MYO1D: variants seen among roughly 807,000 people sequenced by gnomAD.
MYO1D encodes unconventional myosin-Id.
MYO1D carries 83 observed loss-of-function variants against 122.0 expected under a neutral mutation model. The observed-to-expected ratio is 0.68, with a 90% confidence interval of 0.57 to 0.82. The LOEUF (loss-of-function observed/expected upper bound fraction) is 0.82. Among genes scored for constraint, MYO1D ranks in the 40% least tolerant of loss-of-function variants. The pLI, the probability that MYO1D is intolerant of heterozygous loss-of-function variation, is 0.00. For missense variants in MYO1D, 1,157 were observed against 1,269.5 expected (o/e 0.91, Z 1.35); for synonymous variants, 464 against 446.9 (o/e 1.04, Z -0.48).
intron 5 of MYO1D, among the ~76,000 whole-genome samples, chr17:32,772,436 C>T (rs146869937): frequency 6.6e-6 from 1 of 152,194 alleles, no homozygotes. Context: ...GAAACAACAG[C>T]TTCAATTCAA....
intron 21 of MYO1D, chr17:32,505,117 A>T (rs1909459328): frequency 6.6e-6 from 1 of 152,270 alleles, no homozygotes; most frequent in African/African-American, 2.4e-5. Context: ...CACAGTCATC[A>T]GAGAGATCTT....
At chr17:32,683,202 C>T (rs935991558) in intron 16 of MYO1D, among the ~76,000 whole-genome samples, 2 of 149,964 alleles carry the variant, frequency 1.3e-5, no homozygotes, top group African/African-American at 5.0e-5. Flanking sequence ...GAATGTCCTC[C>T]CGTAGCTTAG....
Position 32,775,894 on chromosome 17 carries a change from A to C in MYO1D, c.534T>G (p.Gly178=). ...INFDFKGDPI[G]GHINNYLLEK... is the part of the protein sequence containing the mutation. ...CTAGTAAGTAGTTATTGATATGCCC[A>C]CCAATAGGGTCACCCTTGAAGTCAA... Residue 178 remains glycine, a synonymous_variant, in exon 4 of 22, where the codon GGT becomes GGG. Coordinates refer to ENST00000318217, the MANE Select transcript of MYO1D (RefSeq NM_015194.3). 6.2e-7 allele frequency: 1 copy of C among 1,613,114 alleles called. No homozygotes were observed. The highest frequency in any genetic ancestry group is 8.5e-7 in the Non-Finnish European group (1 of 1,179,478).
chr17:32,751,173 C>T (rs2089894609), intron 11 of MYO1D, among the ~76,000 whole-genome samples: 1 of 151,954 alleles, frequency 6.6e-6, no homozygotes, highest in African/African-American at 2.4e-5. Context: ...TTGCCTGTCT[C>T]TCCATGGTAA....
At chr17:32,638,941 C>T (rs2088148476) in intron 19 of MYO1D, 106 bp from the exon 20 acceptor site, 1 of 728,740 alleles carries the variant, frequency 1.4e-6, no homozygotes, top group African/African-American at 1.7e-5. Flanking sequence ...TGTATGGCCA[C>T]TCTACTGGAT....
intron 14 of MYO1D, among the ~76,000 whole-genome samples, chr17:32,728,912 G>C: frequency 6.6e-6 from 1 of 152,298 alleles, no homozygotes; most frequent in South Asian, 2.1e-4. Flanking sequence ...TAAGAAATGG[G>C]GGGAAGCCCT....
At chr17:32,787,647 G>A (rs554649948) in intron 1 of MYO1D, among the ~76,000 whole-genome samples, 109 of 152,102 alleles carry the variant, frequency 7.2e-4, no homozygotes, top group Admixed American at 1.8e-3. Flanking sequence ...TCAATATCTT[G>A]ACCTCGTGAT....
At chr17:32,742,046 A>AT (rs2089779727) in intron 13 of MYO1D, among the ~76,000 whole-genome samples, 1 of 151,562 alleles carries the variant, frequency 6.6e-6, no homozygotes. Flanking sequence ...TTAAAAAAAA[A>AT]ATTTTTTTTA....
intron 1 of MYO1D, among the ~76,000 whole-genome samples, chr17:32,808,454 G>A (rs780247412): frequency 1.3e-5 from 2 of 151,868 alleles, no homozygotes; most frequent in Non-Finnish European, 2.9e-5. Context: ...AAGGAATGCA[G>A]TAAAAGTTTT....
chr17:32,674,751 G>C (rs995255469), intron 16 of MYO1D, among the ~76,000 whole-genome samples: 6 of 152,088 alleles, frequency 3.9e-5, no homozygotes, highest in African/African-American at 1.4e-4. Context: ...TCCAGTTTTT[G>C]CTAGTAGCCT....
chr17:32,663,491 T>G (rs2088598427), intron 16 of MYO1D, among the ~76,000 whole-genome samples: 1 of 152,202 alleles, frequency 6.6e-6, no homozygotes, highest in African/African-American at 2.4e-5. Flanking sequence ...ATGAAATAAA[T>G]GCATCAGAGG....
intron 1 of MYO1D, among the ~76,000 whole-genome samples, chr17:32,861,834 A>G (rs899538110): frequency 7.2e-5 from 11 of 152,268 alleles, no homozygotes; most frequent in Admixed American, 5.9e-4. Context: ...CCTGGGCAAC[A>G]TGGCAAAACC....
In MYO1D at chr17:32,553,114, A is replaced by C. The variant is rs563664592; in HGVS notation, c.2864+51973T>G. On this transcript the variant is annotated intron_variant, in intron 21 of 21. Coordinates refer to ENST00000318217, the MANE Select transcript of MYO1D (RefSeq NM_015194.3). ...AACAAAAAACAAAACAAAAAAAAAAACAAAAAAACCAGCAGCATGTCATAG... is the reference window on the plus strand; with the variant it reads ...AACAAAAAACAAAACAAAAAAAAAACCAAAAAAACCAGCAGCATGTCATAG... 3.2e-3 allele frequency among the ~76,000 whole-genome samples: 487 copies of C among 151,538 alleles called. 3 individuals are homozygous for C. The highest frequency in any genetic ancestry group is 5.8e-3 in the Non-Finnish European group (397 of 67,870).
intron 20 of MYO1D, chr17:32,627,729 T>C (rs2087946839): frequency 6.6e-6 from 1 of 152,118 alleles, no homozygotes; most frequent in Admixed American, 6.6e-5. Context: ...CATGGGCAGA[T>C]TCAAACATTC....
At chr17:32,670,445 A>G (rs1355528201) in intron 16 of MYO1D, among the ~76,000 whole-genome samples, 2 of 152,190 alleles carry the variant, frequency 1.3e-5, no homozygotes, top group Admixed American at 1.3e-4. Context: ...ATTGAGAGAG[A>G]GAGAGAGAAC....
In MYO1D at chr17:32,712,201, T is replaced by C. The variant is rs776348288; in HGVS notation, c.1914-6A>G. On this transcript the variant is annotated splice_region_variant and splice_polypyrimidine_tract_variant and intron_variant, in intron 15 of 21. Transcript: ENST00000318217. Reference sequence around the variant, plus strand: ...ATTCAGAGATCATCTTATACCTGGATGAAAAAAAGAAACAGGGTTAAGGGA... The same window carrying C: ...ATTCAGAGATCATCTTATACCTGGACGAAAAAAAGAAACAGGGTTAAGGGA... 1.9e-6 allele frequency: 3 copies of C among 1,608,226 alleles called. No homozygotes were observed. The highest frequency in any genetic ancestry group is 2.7e-5 in the African/African-American group (2 of 74,658).
At position 32,819,251 on chromosome 17, in the gene MYO1D, A is replaced by C. The variant is rs183613846; in HGVS notation, c.96-38467T>G. Among the ~76,000 whole-genome samples the C allele has an allele frequency of 8.2e-3, 1,212 of 148,682 alleles. 11 individuals are homozygous for C. Among genetic ancestry groups the C allele is most frequent in the African/African-American group, 0.028 (1,117 of 40,102 alleles). On this transcript the variant is annotated intron_variant, in intron 1 of 21. Transcript: ENST00000318217. ...CTGGATAGTGTGATTGCAAGAAGGG[A>C]GGCTATGCTAGCTTGGTTATAAGCA...
At chr17:32,637,238 T>C (rs1313876157) in intron 20 of MYO1D, among the ~76,000 whole-genome samples, 1 of 152,238 alleles carries the variant, frequency 6.6e-6, no homozygotes, top group Non-Finnish European at 1.5e-5. Flanking sequence ...GGTTTCACAC[T>C]TCTTTAGACT....
At chr17:32,718,549 A>G (rs1441076744) in intron 15 of MYO1D, among the ~76,000 whole-genome samples, 11 of 152,028 alleles carry the variant, frequency 7.2e-5, no homozygotes, top group Non-Finnish European at 1.5e-4. Context: ...AATGAAAAAA[A>G]AATTAGCTGG....
Sources: gnomAD v4.1 joint callset for allele counts (sites outside exome capture counted in the v4.1 genomes callset) on GRCh38, gnomAD v4.1.1 for gene constraint, MANE v1.5 for transcripts, NCBI Gene and HGNC (gene_info 2026-07-23, HGNC 2026-07-21) for gene names.